The following SDK1 variants were observed in gnomAD, a reference collection of about 807,000 sequenced individuals.
SDK1 encodes sidekick cell adhesion molecule 1.
In SDK1, 157 loss-of-function variants were observed where a neutral mutation model predicts 245.5. The observed-to-expected ratio is 0.64, with a 90% CI of 0.56 to 0.73. The LOEUF (loss-of-function observed/expected upper bound fraction) is 0.73, where lower values mean the gene tolerates loss of function less well. SDK1 is among the 30% of genes least tolerant of loss of function. The pLI, the probability that SDK1 is intolerant of heterozygous loss-of-function variation, is 0.00. For missense variants in SDK1, 3,583 were observed against 3,002.3 expected (o/e 1.19, Z -4.52); for synonymous variants, 1,647 against 1,278.5 (o/e 1.29, Z -6.15).
intron 4 of SDK1, among the ~76,000 whole-genome samples, chr7:3,780,064 T>C (rs1780685184): frequency 1.3e-5 from 2 of 151,820 alleles, no homozygotes; most frequent in African/African-American, 4.8e-5. Flanking sequence ...GTCCACAGAC[T>C]AGAATATCTT....
At chr7:4,260,969 G>T (rs1046258770) in intron 44 of SDK1, among the ~76,000 whole-genome samples, 2 of 152,216 alleles carry the variant, frequency 1.3e-5, no homozygotes, top group African/African-American at 2.4e-5. Context: ...GGATTCAGCT[G>T]TTCTGTGTAT....
At chr7:3,456,698 G>A (rs1780679582) in intron 1 of SDK1, among the ~76,000 whole-genome samples, 1 of 151,920 alleles carries the variant, frequency 6.6e-6, no homozygotes, top group Admixed American at 6.6e-5. Context: ...GTCTCTTCTT[G>A]GTGCTGGCAT....
chr7:3,777,465 T>C (rs1780600147), intron 4 of SDK1, among the ~76,000 whole-genome samples: 2 of 152,144 alleles, frequency 1.3e-5, no homozygotes, highest in South Asian at 4.1e-4. Context: ...TGAGGAGACA[T>C]TTTCTGATGG....
intron 1 of SDK1, among the ~76,000 whole-genome samples, chr7:3,378,243 T>C (rs1378434672): frequency 6.6e-6 from 1 of 152,154 alleles, no homozygotes; most frequent in African/African-American, 2.4e-5. Flanking sequence ...TGGTCTCACA[T>C]ATTTTGTGTT....
At chr7:4,250,570 C>T (rs1787231400) in intron 44 of SDK1, among the ~76,000 whole-genome samples, 1 of 152,178 alleles carries the variant, frequency 6.6e-6, no homozygotes, top group Non-Finnish European at 1.5e-5. Flanking sequence ...GTCTCGAACT[C>T]CTGACCTCAA....
chr7:3,997,673 A>G lies in SDK1; in HGVS notation c.2131+10351A>G, dbSNP rs112972144. Among the ~76,000 whole-genome samples, 1,086 of 152,122 alleles carry G rather than the reference A, an allele frequency of 7.1e-3. 7 individuals carry two copies. Among genetic ancestry groups the G allele is most frequent in the African/African-American group, 0.023 (971 of 41,522 alleles). On this transcript the variant is annotated intron_variant, in intron 14 of 44. Transcript: ENST00000404826. Reference sequence around the variant, plus strand: ...TTTTTATGGCCTTCAGAGGGGAGGAAGTGCATGCGGATTGGTCAATGGGTG... The same window carrying G: ...TTTTTATGGCCTTCAGAGGGGAGGAGGTGCATGCGGATTGGTCAATGGGTG...
intron 1 of SDK1, among the ~76,000 whole-genome samples, chr7:3,457,226 A>G (rs1225825814): frequency 6.6e-6 from 1 of 152,170 alleles, no homozygotes; most frequent in Non-Finnish European, 1.5e-5. Flanking sequence ...AGGTCAGGAA[A>G]CACGGGGCCT....
intron 1 of SDK1, among the ~76,000 whole-genome samples, chr7:3,442,063 A>G (rs10243467): frequency 0.49 from 74,480 of 151,952 alleles, 18,795 homozygotes; most frequent in South Asian, 0.59. Flanking sequence ...GCCTGCTGGT[A>G]CCTGCCAGAT....
At chr7:4,228,317 C>T (rs927601743) in intron 40 of SDK1, among the ~76,000 whole-genome samples, 5 of 136,346 alleles carry the variant, frequency 3.7e-5, no homozygotes, top group Admixed American at 7.0e-5. Flanking sequence ...AGACCAAGCA[C>T]GATAGACAGG....
At chr7:3,883,702 C>T (rs1479506223) in intron 5 of SDK1, among the ~76,000 whole-genome samples, 1 of 150,154 alleles carries the variant, frequency 6.7e-6, no homozygotes, top group African/African-American at 2.5e-5. Context: ...CGCTCCCTCC[C>T]TCCCTCCCTC....
chr7:3,905,522 T>C (rs999460018), intron 5 of SDK1, among the ~76,000 whole-genome samples: 2 of 152,214 alleles, frequency 1.3e-5, no homozygotes, highest in Admixed American at 1.3e-4. Flanking sequence ...TTTAGGGTTG[T>C]TTTTTCCTTA....
chr7:3,781,274 C>T (rs376619708), intron 4 of SDK1, among the ~76,000 whole-genome samples: 17 of 152,220 alleles, frequency 1.1e-4, no homozygotes, highest in East Asian at 7.7e-4. Context: ...ACTTAGCCAG[C>T]AATCTCATCA....
At chr7:4,182,338 C>G (rs1782647980) in intron 35 of SDK1, among the ~76,000 whole-genome samples, 1 of 152,212 alleles carries the variant, frequency 6.6e-6, no homozygotes. Flanking sequence ...GCGGGGCTGC[C>G]TTCTCTCTAA....
At chr7:3,607,864 G>T (rs1444480529) in intron 1 of SDK1, among the ~76,000 whole-genome samples, 2 of 152,232 alleles carry the variant, frequency 1.3e-5, no homozygotes, top group Admixed American at 6.5e-5. Context: ...CACACATTGG[G>T]TAATTTAATC....
chr7:3,319,164 G>C (rs1779733248), intron 1 of SDK1, among the ~76,000 whole-genome samples: 1 of 152,180 alleles, frequency 6.6e-6, no homozygotes, highest in African/African-American at 2.4e-5. Flanking sequence ...GTGGAAAATA[G>C]AAAAATGTGG....
chr7:3,612,729 C>T (rs999998635), intron 1 of SDK1, among the ~76,000 whole-genome samples: 1 of 152,172 alleles, frequency 6.6e-6, no homozygotes, highest in African/African-American at 2.4e-5. Flanking sequence ...CTGGGAAATT[C>T]AGCTGTGGCA....
intron 4 of SDK1, among the ~76,000 whole-genome samples, chr7:3,759,014 C>A (rs1348381429): frequency 6.6e-6 from 1 of 152,188 alleles, no homozygotes; most frequent in Non-Finnish European, 1.5e-5. Context: ...CAGGGAGAAA[C>A]CTGACTCGCA....
chr7:3,909,710 T>G (rs573722689), intron 5 of SDK1, among the ~76,000 whole-genome samples: 206 of 152,350 alleles, frequency 1.4e-3, no homozygotes, highest in African/African-American at 4.6e-3. Flanking sequence ...GAATATTTTT[T>G]AATTTACTAC....
intron 1 of SDK1, among the ~76,000 whole-genome samples, chr7:3,563,337 GAA>G (rs1197728682): frequency 6.6e-6 from 1 of 152,006 alleles, no homozygotes; most frequent in Admixed American, 6.5e-5. Context: ...AGATGGGGCG[GAA>G]AAACAAGATA....
Sources: gnomAD v4.1 joint callset for allele counts (sites outside exome capture counted in the v4.1 genomes callset) on GRCh38, gnomAD v4.1.1 for gene constraint, MANE v1.5 for transcripts, NCBI Gene and HGNC (gene_info 2026-07-23, HGNC 2026-07-21) for gene names.